Variants in LRRC8D observed in about 807,000 individuals in gnomAD.
LRRC8D encodes leucine rich repeat containing 8 VRAC subunit D, also known as volume-regulated anion channel subunit LRRC8D.
A neutral mutation model predicts 55.8 loss-of-function variants in LRRC8D; 20 were observed. That is an observed-to-expected ratio of 0.36 (90% CI 0.25 to 0.52). LRRC8D has a LOEUF of 0.52. Among genes scored for constraint, LRRC8D ranks in the 20% least tolerant of loss-of-function variants. The probability of loss-of-function intolerance (pLI) is 0.93; values close to 1 mark genes in which losing one functional copy is unlikely to be tolerated. For synonymous variants in LRRC8D, 352 were observed against 377.0 expected (o/e 0.93, Z 0.77); for missense variants, 651 against 1,030.8 (o/e 0.63, Z 5.05).
At chr1:89,901,329 T>C (rs1662844218) in intron 2 of LRRC8D, among the ~76,000 whole-genome samples, 1 of 152,366 alleles carries the variant, frequency 6.6e-6, no homozygotes. Context: ...TGCCTCTAAC[T>C]GGCAGCTTTG....
chr1:89,837,845 T>G (rs1661035472), intron 1 of LRRC8D, among the ~76,000 whole-genome samples: 1 of 152,236 alleles, frequency 6.6e-6, no homozygotes, highest in South Asian at 2.1e-4. Context: ...GTATCTAATT[T>G]TGTAACCTTA....
intron 2 of LRRC8D, among the ~76,000 whole-genome samples, chr1:89,889,842 T>C (rs1662517774): frequency 6.8e-6 from 1 of 147,950 alleles, no homozygotes; most frequent in Non-Finnish European, 1.5e-5. Flanking sequence ...GAGATTGTGC[T>C]CCTGCACTTC....
chr1:89,843,564 C>T, intron 1 of LRRC8D, 74 bp from the exon 2 acceptor site: 2 of 695,978 alleles, frequency 2.9e-6, no homozygotes. Flanking sequence ...CTCCCCGCCG[C>T]CCTGCACTCC....
In LRRC8D at chr1:89,907,819, C is replaced by T. The variant is rs543501277; in HGVS notation, c.-2-25248C>T. On this transcript the variant is annotated intron_variant, in intron 2 of 2. Coordinates refer to ENST00000337338, the MANE Select transcript of LRRC8D (RefSeq NM_001134479.2). ...TCCACCATCACCACCAGCCCCCTTG[C>T]GCCAACTGATTTCTTCAAGAGATTG... Among the ~76,000 whole-genome samples, 125 of 152,242 alleles carry T rather than the reference C, an allele frequency of 8.2e-4. 1 individual carries two copies. Among genetic ancestry groups the T allele is most frequent in the African/African-American group, 2.5e-3 (104 of 41,536 alleles).
At chr1:89,874,879 T>C (rs971372060) in intron 2 of LRRC8D, among the ~76,000 whole-genome samples, 1 of 152,230 alleles carries the variant, frequency 6.6e-6, no homozygotes, top group Non-Finnish European at 1.5e-5. Context: ...CATAAATTCA[T>C]TTAATTCTTA....
At chr1:89,885,152 A>G (rs533938371) in intron 2 of LRRC8D, among the ~76,000 whole-genome samples, 3 of 152,178 alleles carry the variant, frequency 2.0e-5, no homozygotes, top group African/African-American at 7.2e-5. Context: ...TTAAATTTTG[A>G]TATCCTCTGA....
At chr1:89,883,848 T>C (rs1662342077) in intron 2 of LRRC8D, among the ~76,000 whole-genome samples, 1 of 152,214 alleles carries the variant, frequency 6.6e-6, no homozygotes, top group Non-Finnish European at 1.5e-5. Context: ...TGTTCAGCAC[T>C]AGCAGCCTGT....
chr1:89,830,330 T>G (rs150864117), intron 1 of LRRC8D, among the ~76,000 whole-genome samples: 3 of 152,314 alleles, frequency 2.0e-5, no homozygotes, highest in South Asian at 4.1e-4. Flanking sequence ...AAACACACCC[T>G]TCCTACAAAC....
At chr1:89,851,208 A>G (rs908608435) in intron 2 of LRRC8D, among the ~76,000 whole-genome samples, 1 of 152,078 alleles carries the variant, frequency 6.6e-6, no homozygotes, top group Non-Finnish European at 1.5e-5. Flanking sequence ...TTGTAGAGCT[A>G]TGAGGTACAT....
chr1:89,854,588 C>T (rs929554508), intron 2 of LRRC8D, among the ~76,000 whole-genome samples: 1 of 152,152 alleles, frequency 6.6e-6, no homozygotes, highest in Non-Finnish European at 1.5e-5. Flanking sequence ...GGGAGTTCTT[C>T]CTCCTCATCT....
At chr1:89,894,077 C>T (rs1662645921) in intron 2 of LRRC8D, among the ~76,000 whole-genome samples, 1 of 152,206 alleles carries the variant, frequency 6.6e-6, no homozygotes, top group Non-Finnish European at 1.5e-5. Flanking sequence ...CATGAGGGCT[C>T]TGCCCTCATG....
chr1:89,825,581 A>C (rs1429696333), intron 1 of LRRC8D, among the ~76,000 whole-genome samples: 3 of 152,166 alleles, frequency 2.0e-5, no homozygotes, highest in African/African-American at 7.2e-5. Context: ...CTTTTTTGCT[A>C]ATATGCCTCA....
At chr1:89,849,724 C>G (rs954388546) in intron 2 of LRRC8D, among the ~76,000 whole-genome samples, 1 of 151,944 alleles carries the variant, frequency 6.6e-6, no homozygotes, top group Non-Finnish European at 1.5e-5. Flanking sequence ...TTGCCTTTTT[C>G]TTGCAAGAAC....
intron 2 of LRRC8D, among the ~76,000 whole-genome samples, chr1:89,881,431 A>G (rs1662280569): frequency 6.6e-6 from 1 of 151,882 alleles, no homozygotes; most frequent in Admixed American, 6.6e-5. Flanking sequence ...TAAACTAAGG[A>G]CCCCCCTGAG....
At position 89,830,143 on chromosome 1, in the gene LRRC8D, C is replaced by G. The variant is rs138818308; in HGVS notation, c.-148+8852C>G. 1.1e-3 allele frequency among the ~76,000 whole-genome samples: 160 copies of G among 152,122 alleles called. 3 individuals are homozygous for G. The East Asian group carries it at 0.027, about 26-fold the overall frequency. On this transcript the variant is annotated intron_variant, in intron 1 of 2. Transcript: ENST00000337338. ...ATATTCATAGGCTGTTTCATTCGTG[C>G]CTTTATTTTTTAAATACAAGAAAAT...
At chr1:89,875,333 A>C (rs1662120115) in intron 2 of LRRC8D, among the ~76,000 whole-genome samples, 1 of 152,180 alleles carries the variant, frequency 6.6e-6, no homozygotes, top group African/African-American at 2.4e-5. Context: ...GTGTCCATTA[A>C]ATGTTCTTCA....
intron 2 of LRRC8D, among the ~76,000 whole-genome samples, chr1:89,847,360 G>A (rs976568405): frequency 1.3e-5 from 2 of 152,162 alleles, no homozygotes; most frequent in South Asian, 2.1e-4. Context: ...GAGAGGAGAA[G>A]GTAAAGGAGG....
chr1:89,841,396 A>ACC (rs56089566), intron 1 of LRRC8D, among the ~76,000 whole-genome samples: 35,906 of 143,520 alleles, frequency 0.25, 4,213 homozygotes, highest in Middle Eastern at 0.3. Flanking sequence ...TGTCAAGACC[A>ACC]CCCCCCCCCT....
At chr1:89,924,783 AG>A (rs1442308746) in intron 2 of LRRC8D, among the ~76,000 whole-genome samples, 2 of 152,218 alleles carry the variant, frequency 1.3e-5, no homozygotes, top group African/African-American at 2.4e-5. Flanking sequence ...ATGCAGCTGC[AG>A]GCCATTATCC....
Sources: gnomAD v4.1 joint callset for allele counts (sites outside exome capture counted in the v4.1 genomes callset) on GRCh38, gnomAD v4.1.1 for gene constraint, MANE v1.5 for transcripts, NCBI Gene and HGNC (gene_info 2026-07-23, HGNC 2026-07-21) for gene names.